The following KIF4A variants were observed in gnomAD, a reference collection of about 807,000 sequenced individuals.
The protein encoded by KIF4A is kinesin family member 4A, also known as chromosome-associated kinesin KIF4A.
KIF4A carries 7 observed loss-of-function variants against 105.9 expected under a neutral mutation model. The observed-to-expected ratio is 0.07, with a 90% CI of 0.04 to 0.12. The LOEUF is 0.12. Ranked by LOEUF, KIF4A falls within the 10% of genes least tolerant of loss-of-function variation. The pLI, the probability that KIF4A is intolerant of heterozygous loss-of-function variation, is 1.00. For synonymous variants in KIF4A, 281 were observed against 331.3 expected (o/e 0.85, Z 1.65); for missense variants, 558 against 929.2 (o/e 0.60, Z 5.19).
intron 7 of KIF4A, among the ~76,000 whole-genome samples, chrX:70,310,115 A>G (rs2085843090): frequency 8.9e-6 from 1 of 112,125 alleles, no homozygotes; most frequent in Non-Finnish European, 1.9e-5. Context: ...GAGTTTTGCT[A>G]GTTATATACA....
intron 29 of KIF4A, among the ~76,000 whole-genome samples, chrX:70,418,390 G>A (rs2086352966): frequency 8.9e-6 from 1 of 111,766 alleles, no homozygotes; most frequent in Admixed American, 9.6e-5. Context: ...ACGTACTGAG[G>A]TAGCAGCTTC....
At chrX:70,310,308 T>TG (rs2085844051) in intron 7 of KIF4A, among the ~76,000 whole-genome samples, 2 of 85,979 alleles carry the variant, frequency 2.3e-5, no homozygotes, top group African/African-American at 1.1e-4. Context: ...GATCTCAAAA[T>TG]GGTTGTGTGT....
intron 22 of KIF4A, among the ~76,000 whole-genome samples, chrX:70,399,702 CA>C (rs2086273109): frequency 1.0e-5 from 1 of 97,908 alleles, no homozygotes; most frequent in Non-Finnish European, 2.0e-5. Context: ...ATCGCAAGGA[CA>C]AAAAACCAAA....
chrX:70,410,757 T>C (rs2086318666), intron 28 of KIF4A, among the ~76,000 whole-genome samples: 1 of 111,975 alleles, frequency 8.9e-6, no homozygotes, highest in Non-Finnish European at 1.9e-5. Context: ...GAACCCAGGC[T>C]GTAATGCTTG....
chrX:70,340,377 A>G (rs1232670780), intron 10 of KIF4A, among the ~76,000 whole-genome samples: 2 of 112,115 alleles, frequency 1.8e-5, no homozygotes, highest in Non-Finnish European at 3.8e-5. Flanking sequence ...TCTATGTGCT[A>G]AATTTTCCTT....
At chrX:70,360,694 A>G (rs995967265) in intron 15 of KIF4A, among the ~76,000 whole-genome samples, 3 of 113,005 alleles carry the variant, frequency 2.7e-5, no homozygotes, top group East Asian at 5.6e-4. Flanking sequence ...GGCTCGTCCT[A>G]GCCATGTGCT....
At chrX:70,355,508 C>T (rs914333291) in intron 15 of KIF4A, among the ~76,000 whole-genome samples, 1 of 111,959 alleles carries the variant, frequency 8.9e-6, no homozygotes, top group Non-Finnish European at 1.9e-5. Flanking sequence ...CAATAATTTG[C>T]ACTTCTATCA....
In KIF4A at chrX:70,321,738, C is replaced by T. The variant is rs757697872; in HGVS notation, c.779-7667C>T. Among the ~76,000 whole-genome samples, 5 of 111,245 alleles carry T rather than the reference C, an allele frequency of 4.5e-5. No individual in the cohort carries two copies. In the East Asian group the frequency reaches 1.1e-3, roughly 25 times the overall value. On this transcript the variant is annotated intron_variant, in intron 7 of 30. Transcript: ENST00000374403. ...TTCATCCTCCTCTTACTACTGCTCT[C>T]CTCCCTTTTCCTTTCATTCTACATT... is the stretch of plus-strand genomic sequence containing the variant.
intron 13 of KIF4A, among the ~76,000 whole-genome samples, chrX:70,348,270 C>A (rs1310293706): frequency 9.0e-6 from 1 of 111,236 alleles, no homozygotes; most frequent in Non-Finnish European, 1.9e-5. Flanking sequence ...ACAGTGAGAC[C>A]TTGTCTCTAC....
chrX:70,353,242 C>CT (rs1260529460), intron 14 of KIF4A, among the ~76,000 whole-genome samples: 1 of 111,997 alleles, frequency 8.9e-6, no homozygotes, highest in Non-Finnish European at 1.9e-5. Context: ...AAGGAAAATA[C>CT]TAGGTCAGGT....
Position 70,403,884 on chromosome X carries a change from G to C in KIF4A, c.2640G>C (p.Gln880His). Residue 880 changes from glutamine (Q) to histidine (H), a missense_variant, in exon 24 of 31, where the codon CAG becomes CAC. This residue lies in a region of KIF4A where 469 missense variants were observed against 680.4 expected (regional missense o/e 0.69). Transcript: ENST00000374403. ...TCCAGCTGGTCTCCTCCAAAATACA[G>C]GTCAGCAAACTTGAAAGCAGCCTGA... ...LIGELVSSKI[Q>H]VSKLESSLKQ... 8.3e-7 allele frequency: 1 copy of C among 1,209,293 alleles called. No individual in the cohort carries two copies. The highest frequency in any genetic ancestry group is 1.8e-5 in the South Asian group (1 of 56,395).
rs1042039306 is a variant in KIF4A at position 70,420,348 on chromosome X, C to G, written c.*83C>G. ...CCAGAAGGGGTTTTTTAAATGACTT[C>G]TCTGGATTTCAGGTTTCTTGCTGTT... is the stretch of plus-strand genomic sequence containing the variant. On this transcript the variant is annotated 3_prime_UTR_variant, in exon 31 of 31. Coordinates refer to ENST00000374403, the MANE Select transcript of KIF4A (RefSeq NM_012310.5). 9.3e-7 allele frequency: 1 copy of G among 1,075,118 alleles called. No individual in the cohort carries two copies. Among genetic ancestry groups the G allele is most frequent in the Non-Finnish European group, 1.2e-6 (1 of 815,444 alleles). 88.6% of individuals were successfully genotyped at this position (1,075,118 alleles called of 1,213,427 possible).
chrX:70,316,633 G>A (rs1602745641), intron 7 of KIF4A, among the ~76,000 whole-genome samples: 2 of 110,508 alleles, frequency 1.8e-5, no homozygotes, highest in East Asian at 5.6e-4. Context: ...ACAGTTCAAC[G>A]AATGTTCACA....
intron 3 of KIF4A, among the ~76,000 whole-genome samples, chrX:70,296,277 G>GTT (rs745884921): frequency 1.8e-5 from 2 of 109,448 alleles, no homozygotes; most frequent in Admixed American, 2.0e-4. Context: ...TAGAGACAGG[G>GTT]TTTCACCATG....
chrX:70,371,084 G>A (rs192483150), intron 15 of KIF4A, among the ~76,000 whole-genome samples: 15 of 110,645 alleles, frequency 1.4e-4, no homozygotes, highest in Admixed American at 2.9e-4. Context: ...CTGCTTATTC[G>A]TGTCAGTCTA....
chrX:70,389,100 A>T (rs1051839326), intron 20 of KIF4A, among the ~76,000 whole-genome samples: 2 of 110,718 alleles, frequency 1.8e-5, no homozygotes, highest in African/African-American at 3.3e-5. Flanking sequence ...ACAAAATTTT[A>T]AAAAAATTAA....
intron 8 of KIF4A, 114 bp downstream of exon 8, chrX:70,329,635 CTAATT>C: frequency 1.8e-6 from 1 of 552,299 alleles, no homozygotes. Flanking sequence ...ACACAGTTGT[CTAATT>C]GATAAATACG....
At chrX:70,379,689 G>T (rs1404311643) in intron 18 of KIF4A, among the ~76,000 whole-genome samples, 1 of 109,241 alleles carries the variant, frequency 9.2e-6, no homozygotes, top group Non-Finnish European at 1.9e-5. Flanking sequence ...TACTTGGGAG[G>T]CTGAGACACA....
intron 28 of KIF4A, chrX:70,415,316 ACT>A (rs1356115369): frequency 3.8e-6 from 1 of 261,655 alleles, no homozygotes; most frequent in Non-Finnish European, 7.1e-6. Flanking sequence ...TTTTACAAAA[ACT>A]CTTATGTGTG....
Sources: gnomAD v4.1 joint callset for allele counts (sites outside exome capture counted in the v4.1 genomes callset) on GRCh38, gnomAD v4.1.1 for gene constraint, gnomAD v4.1.1 regional missense constraint, MANE v1.5 for transcripts, NCBI Gene and HGNC (gene_info 2026-07-23, HGNC 2026-07-21) for gene names.